DNAH8: variants seen among roughly 807,000 people sequenced by gnomAD.
DNAH8 encodes axonemal beta dynein heavy chain 8.
A neutral mutation model predicts 562.1 loss-of-function variants in DNAH8; 382 were observed. The ratio of observed to expected loss-of-function variants is 0.68; its 90% CI spans 0.63 to 0.74. The LOEUF is 0.74. DNAH8 is among the 30% of genes least tolerant of loss of function. The pLI is 0.00. For missense variants in DNAH8, 5,203 were observed against 5,620.4 expected (o/e 0.93, Z 2.37); for synonymous variants, 1,881 against 1,919.4 (o/e 0.98, Z 0.52).
At chr6:39,013,460 G>A (rs1278784689) in intron 91 of DNAH8, among the ~76,000 whole-genome samples, 1 of 152,074 alleles carries the variant, frequency 6.6e-6, no homozygotes, top group Non-Finnish European at 1.5e-5. Context: ...CATTACATGC[G>A]GTATGGTTCC....
At chr6:38,989,210 A>G (rs1196557427) in intron 87 of DNAH8, among the ~76,000 whole-genome samples, 1 of 152,214 alleles carries the variant, frequency 6.6e-6, no homozygotes, top group Non-Finnish European at 1.5e-5. Context: ...CGAGTAATTC[A>G]GACGTCGTGC....
At chr6:38,771,597 C>G (rs950335595) in intron 12 of DNAH8, among the ~76,000 whole-genome samples, 1 of 152,192 alleles carries the variant, frequency 6.6e-6, no homozygotes, top group African/African-American at 2.4e-5. Flanking sequence ...CTTTCTGTCT[C>G]TATAGATGTA....
chr6:38,880,178 C>T (rs746378858), intron 53 of DNAH8, among the ~76,000 whole-genome samples: 7 of 151,972 alleles, frequency 4.6e-5, no homozygotes, highest in East Asian at 3.9e-4. Context: ...ATCTGGGAGG[C>T]GGAGGTTGCA....
At chr6:39,019,766 A>G (rs1289270191) in intron 91 of DNAH8, among the ~76,000 whole-genome samples, 1 of 152,212 alleles carries the variant, frequency 6.6e-6, no homozygotes, top group East Asian at 1.9e-4. Flanking sequence ...GGTACTGGAG[A>G]GACCCAGGTG....
At chr6:39,015,102 T>A (rs1387428541) in intron 91 of DNAH8, among the ~76,000 whole-genome samples, 1 of 151,806 alleles carries the variant, frequency 6.6e-6, no homozygotes, top group African/African-American at 2.4e-5. Context: ...ACTGGAGAGG[T>A]ATGTTGGCAG....
rs1321780574 is a variant in DNAH8, at chr6:38,789,890, A to G, written c.2664+7A>G. 2 of 1,600,174 alleles carry G rather than the reference A, an allele frequency of 1.2e-6. No individual in the cohort carries two copies. Among genetic ancestry groups the G allele is most frequent in the Non-Finnish European group, 8.6e-7 (1 of 1,168,420 alleles). The stretch of plus-strand genomic sequence containing the variant: ...GACCCCAAAAATGAAAAAGGTTGGT[A>G]TTGCTGAAGGTTTGTATTGATTTTC... On this transcript the variant is annotated splice_region_variant and intron_variant, in intron 19 of 92. Coordinates refer to ENST00000327475, the MANE Select transcript of DNAH8 (RefSeq NM_001206927.2).
chr6:38,824,071 TGGG>T (rs1773107591), intron 28 of DNAH8, among the ~76,000 whole-genome samples: 1 of 152,172 alleles, frequency 6.6e-6, no homozygotes, highest in African/African-American at 2.4e-5. Context: ...ATACATGAGA[TGGG>T]ACTCAAACAG....
In DNAH8 at chr6:38,742,797, C is replaced by T. The variant is rs185238588; in HGVS notation, c.1293+910C>T. On this transcript the variant is annotated intron_variant, in intron 8 of 92. Coordinates refer to ENST00000327475, the MANE Select transcript of DNAH8 (RefSeq NM_001206927.2). ...ACTGCACTTTTCTATTTTATTTTTTCCTCAACATCTTCTGTGGTATGTATG... is the reference window on the plus strand; with the variant it reads ...ACTGCACTTTTCTATTTTATTTTTTTCTCAACATCTTCTGTGGTATGTATG... 8.6e-3 allele frequency among the ~76,000 whole-genome samples: 1,309 copies of T among 151,960 alleles called. 10 individuals are homozygous for T. The highest frequency in any genetic ancestry group is 0.014 in the Non-Finnish European group (965 of 67,944).
intron 26 of DNAH8, among the ~76,000 whole-genome samples, chr6:38,820,071 A>G (rs944633584): frequency 1.3e-5 from 2 of 152,236 alleles, no homozygotes; most frequent in South Asian, 2.1e-4. Context: ...AACTTGATTT[A>G]TAAATTTGAT....
chr6:38,990,273 T>C, intron 88 of DNAH8, 101 bp downstream of exon 88: 1 of 784,570 alleles, frequency 1.3e-6, no homozygotes, highest in Non-Finnish European at 2.0e-6. Flanking sequence ...CCTTTCCCCC[T>C]TTTTTTATTT....
intron 75 of DNAH8, 136 bp from the exon 76 acceptor site, chr6:38,931,675 A>T (rs1782560882): frequency 2.0e-6 from 1 of 504,408 alleles, no homozygotes; most frequent in Admixed American, 3.4e-5. Context: ...AAGATCAGTG[A>T]TTAAAATTTT....
At chr6:38,778,775 A>G (rs989680225) in intron 14 of DNAH8, among the ~76,000 whole-genome samples, 1 of 152,202 alleles carries the variant, frequency 6.6e-6, no homozygotes, top group Admixed American at 6.5e-5. Context: ...TGGAAAGGGA[A>G]CAAATAATGT....
intron 82 of DNAH8, among the ~76,000 whole-genome samples, chr6:38,962,395 A>G (rs992646571): frequency 6.6e-6 from 1 of 152,174 alleles, no homozygotes; most frequent in African/African-American, 2.4e-5. Flanking sequence ...TTTTTAAAAC[A>G]TTATCAAATG....
intron 29 of DNAH8, 62 bp from the exon 30 acceptor site, chr6:38,828,122 T>G: frequency 9.5e-7 from 1 of 1,053,408 alleles, no homozygotes; most frequent in Non-Finnish European, 1.4e-6. Flanking sequence ...CTAGAAGGCG[T>G]CTAAATCATT....
intron 1 of DNAH8, among the ~76,000 whole-genome samples, chr6:38,717,552 T>C (rs544447068): frequency 6.6e-6 from 1 of 151,882 alleles, no homozygotes; most frequent in East Asian, 2.0e-4. Flanking sequence ...CTCAAACTCC[T>C]GAGCTTGAGC....
chr6:38,761,427 T>C (rs911951473), intron 10 of DNAH8, among the ~76,000 whole-genome samples: 7 of 149,860 alleles, frequency 4.7e-5, no homozygotes, highest in Non-Finnish European at 7.4e-5. Flanking sequence ...AAAATTCCAA[T>C]TTCAAGTTCT....
chr6:38,891,349 T>A (rs1326214338), intron 58 of DNAH8, among the ~76,000 whole-genome samples: 1 of 152,174 alleles, frequency 6.6e-6, no homozygotes, highest in South Asian at 2.1e-4. Context: ...TAAGTGTAGG[T>A]ATGAGATAAA....
chr6:38,928,522 C>A (rs1782286855), intron 74 of DNAH8, among the ~76,000 whole-genome samples: 1 of 152,176 alleles, frequency 6.6e-6, no homozygotes, highest in Non-Finnish European at 1.5e-5. Flanking sequence ...AGGGAAACAA[C>A]TTCCTTCATG....
intron 55 of DNAH8, 72 bp from the exon 56 acceptor site, chr6:38,883,804 A>G (rs1281421433): frequency 8.0e-7 from 1 of 1,253,668 alleles, no homozygotes; most frequent in Non-Finnish European, 1.1e-6. Flanking sequence ...CTACTCTGAC[A>G]AGAATGCTCA....
Sources: gnomAD v4.1 joint callset for allele counts (sites outside exome capture counted in the v4.1 genomes callset) on GRCh38, gnomAD v4.1.1 for gene constraint, MANE v1.5 for transcripts, NCBI Gene and HGNC (gene_info 2026-07-23, HGNC 2026-07-21) for gene names.